The following PITPNM3 variants were observed in gnomAD, a reference collection of about 807,000 sequenced individuals.
PITPNM3 encodes PITPNM family member 3, also known as membrane-associated phosphatidylinositol transfer protein 3.
A neutral mutation model predicts 102.0 loss-of-function variants in PITPNM3; 26 were observed. That is an observed-to-expected ratio of 0.25 (90% CI 0.19 to 0.35). The LOEUF (loss-of-function observed/expected upper bound fraction) is 0.35, where lower values mean the gene tolerates loss of function less well. Ranked by LOEUF, PITPNM3 falls within the 10% of genes least tolerant of loss-of-function variation. PITPNM3 has a pLI of 1.00. For synonymous variants in PITPNM3, 578 were observed against 558.6 expected (o/e 1.03, Z -0.49); for missense variants, 1,083 against 1,346.1 (o/e 0.80, Z 3.06).
At position 6,459,463 on chromosome 17, in the gene PITPNM3, A is replaced by T. The variant is rs1373170705; in HGVS notation, c.2491-1741T>A. On this transcript the variant is annotated intron_variant, in intron 18 of 19. Transcript: ENST00000262483. The surrounding 1 kb of genome is among the most constrained non-coding windows in gnomAD (Gnocchi z 5.0). ...CTTCTAACGCCTCATCTCCCGTCTC[A>T]TGGCTCCACTGATCCGTCTCATGCA... 6.6e-6 allele frequency among the ~76,000 whole-genome samples: 1 copy of T among 151,448 alleles called. No individual in the cohort carries two copies. Among genetic ancestry groups the T allele is most frequent in the Admixed American group, 6.6e-5 (1 of 15,226 alleles).
intron 1 of PITPNM3, among the ~76,000 whole-genome samples, chr17:6,555,971 A>G (rs1406925516): frequency 2.6e-5 from 4 of 151,828 alleles, no homozygotes; most frequent in Non-Finnish European, 4.4e-5. Context: ...CTGGATGGAG[A>G]GAGCTGCAGG....
chr17:6,531,662 C>T (rs1369305498), intron 2 of PITPNM3, among the ~76,000 whole-genome samples: 1 of 152,190 alleles, frequency 6.6e-6, no homozygotes, highest in Non-Finnish European at 1.5e-5. Flanking sequence ...GCCAGGAAAG[C>T]GTGTCCAGAG....
rs952343468 is a variant in PITPNM3 at position 6,514,981 on chromosome 17, A to C, written c.226+10375T>G. 2.6e-5 allele frequency among the ~76,000 whole-genome samples: 4 copies of C among 152,356 alleles called. No homozygotes were observed. In the South Asian group the frequency reaches 6.2e-4, roughly 24 times the overall value. The stretch of plus-strand genomic sequence containing the variant: ...ATCCCAAAAACATTATGTTAAGGGA[A>C]AGTAGTCACACACAAAAGGCTATAT... On this transcript the variant is annotated intron_variant, in intron 3 of 19. Coordinates refer to ENST00000262483, the MANE Select transcript of PITPNM3 (RefSeq NM_031220.4).
At chr17:6,520,785 G>A (rs939293337) in intron 3 of PITPNM3, among the ~76,000 whole-genome samples, 1 of 152,182 alleles carries the variant, frequency 6.6e-6, no homozygotes, top group South Asian at 2.1e-4. Flanking sequence ...ATCCATACAA[G>A]GGAAAGTTAC....
rs968696024 is a variant in PITPNM3 at position 6,459,330 on chromosome 17, C to T, written c.2491-1608G>A. Among the ~76,000 whole-genome samples, 13 of 152,270 alleles carry T rather than the reference C, an allele frequency of 8.5e-5. No homozygotes were observed. Among genetic ancestry groups the T allele is most frequent in the Non-Finnish European group, 1.6e-4 (11 of 68,024 alleles). ...GGCGCTATCTCCTTGAAGCCCTCTC[C>T]TCCCGATACCTGGAGTCTCGTCTCT... On this transcript the variant is annotated intron_variant, in intron 18 of 19. Coordinates refer to ENST00000262483, the MANE Select transcript of PITPNM3 (RefSeq NM_031220.4). This position sits in a 1 kb window ranked among gnomAD's most constrained non-coding sequence, Gnocchi z 5.0.
At chr17:6,504,586 T>C (rs6502959) in intron 3 of PITPNM3, among the ~76,000 whole-genome samples, 113,561 of 152,058 alleles carry the variant, frequency 0.75, 42,593 homozygotes, top group Middle Eastern at 0.85. Context: ...GACTCCATTT[T>C]AGGCTCCCTC....
In PITPNM3 at chr17:6,537,967, T is replaced by A. The variant is rs766136546; in HGVS notation, c.118+20A>T. On this transcript the variant is annotated intron_variant, in intron 2 of 19. Coordinates refer to ENST00000262483, the MANE Select transcript of PITPNM3 (RefSeq NM_031220.4). This position sits in a 1 kb window ranked among gnomAD's most constrained non-coding sequence, Gnocchi z 4.4. ...TAGGAAGGTCACCCAGCCAGTGATA[T>A]GAGACTGGGGTTCACTCACCTCTGG... 1.8e-5 allele frequency: 28 copies of A among 1,593,044 alleles called. No individual in the cohort carries two copies. Among genetic ancestry groups the A allele is most frequent in the Middle Eastern group, 1.7e-4 (1 of 6,040 alleles).
At chr17:6,513,898 A>G (rs1908004693) in intron 3 of PITPNM3, among the ~76,000 whole-genome samples, 1 of 152,256 alleles carries the variant, frequency 6.6e-6, no homozygotes, top group African/African-American at 2.4e-5. Context: ...GGTGTACAGT[A>G]ATCAAGACTG....
intron 3 of PITPNM3, among the ~76,000 whole-genome samples, chr17:6,516,563 C>CAAAAA (rs34384161): frequency 2.6e-5 from 3 of 113,812 alleles, no homozygotes; most frequent in East Asian, 2.7e-4. Context: ...GACTCCGCCT[C>CAAAAA]AAAAAAAAAA....
intron 3 of PITPNM3, among the ~76,000 whole-genome samples, chr17:6,504,013 GC>G: frequency 6.6e-6 from 1 of 152,002 alleles, no homozygotes; most frequent in South Asian, 2.1e-4. Context: ...ATATCCCACT[GC>G]CCCCCAGACG....
chr17:6,474,135 C>T (rs900697732), intron 10 of PITPNM3, among the ~76,000 whole-genome samples: 1 of 152,044 alleles, frequency 6.6e-6, no homozygotes, highest in Non-Finnish European at 1.5e-5. Context: ...GTTGAATATT[C>T]TGTCTTCTCT....
At chr17:6,539,897 T>C (rs1350402256) in intron 1 of PITPNM3, among the ~76,000 whole-genome samples, 1 of 152,202 alleles carries the variant, frequency 6.6e-6, no homozygotes, top group Admixed American at 6.5e-5. Context: ...TTTTAGATAG[T>C]AAGAAGCAAG....
intron 3 of PITPNM3, among the ~76,000 whole-genome samples, chr17:6,516,607 A>T (rs1908201902): frequency 6.6e-6 from 1 of 152,064 alleles, no homozygotes; most frequent in Non-Finnish European, 1.5e-5. Flanking sequence ...ACTTGAAGAA[A>T]TCATGAAAAG....
At chr17:6,483,390 C>T (rs775852090) in intron 6 of PITPNM3, 127 bp downstream of exon 6, 68 of 928,920 alleles carry the variant, frequency 7.3e-5, no homozygotes, top group Non-Finnish European at 1.0e-4. Flanking sequence ...TGTTTCGTCA[C>T]GATCTGACAC....
chr17:6,464,866 C>G (rs540666581), intron 14 of PITPNM3, 95 bp from the exon 15 acceptor site: 1 of 1,156,284 alleles, frequency 8.6e-7, no homozygotes, highest in African/African-American at 1.5e-5. Context: ...GGAGGCATAT[C>G]AGCTTGCTGA....
At chr17:6,485,848 T>C (rs531615142) in intron 4 of PITPNM3, among the ~76,000 whole-genome samples, 2 of 152,242 alleles carry the variant, frequency 1.3e-5, no homozygotes, top group Admixed American at 6.5e-5. Context: ...CCACTGCCTG[T>C]TTTTGTAAAT....
chr17:6,452,577 G>C lies in PITPNM3; in HGVS notation c.*2761C>G, dbSNP rs988721099. 6.6e-6 allele frequency: 1 copy of C among 152,166 alleles called. No individual in the cohort carries two copies. The highest frequency in any genetic ancestry group is 2.1e-4 in the South Asian group (1 of 4,836). 9.4% of individuals were successfully genotyped at this position (152,166 alleles called of 1,614,324 possible). On this transcript the variant is annotated 3_prime_UTR_variant, in exon 20 of 20. Transcript: ENST00000262483. Reference sequence around the variant, plus strand: ...ACTTGGTTCTTTCTCCAACTTAACCGGACAGACAAAACTGAGCAAACCGCT... The same window carrying C: ...ACTTGGTTCTTTCTCCAACTTAACCCGACAGACAAAACTGAGCAAACCGCT...
At chr17:6,523,233 C>T (rs1399042095) in intron 3 of PITPNM3, among the ~76,000 whole-genome samples, 3 of 152,206 alleles carry the variant, frequency 2.0e-5, no homozygotes, top group Non-Finnish European at 4.4e-5. Flanking sequence ...CCCCTTCCAT[C>T]ATTATAAGAA....
intron 2 of PITPNM3, among the ~76,000 whole-genome samples, chr17:6,536,015 G>C (rs1434718981): frequency 6.7e-6 from 1 of 148,524 alleles, no homozygotes; most frequent in Non-Finnish European, 1.5e-5. Context: ...AGTGAGCCAA[G>C]ATCGCTCCGT....
Sources: allele counts gnomAD v4.1 joint callset (sites outside exome capture counted in the v4.1 genomes callset), GRCh38; gene constraint gnomAD v4.1.1; non-coding constraint Gnocchi (gnomAD v3.1); transcripts MANE v1.5; gene names NCBI Gene and HGNC (gene_info 2026-07-23, HGNC 2026-07-21).